The following FMO3 variants were observed in gnomAD, a reference collection of about 807,000 sequenced individuals.
The protein encoded by FMO3 is flavin-containing monooxygenase 3.
A neutral mutation model predicts 39.4 loss-of-function variants in FMO3; 40 were observed. The ratio of observed to expected loss-of-function variants is 1.02; its 90% CI spans 0.79 to 1.32. The LOEUF is 1.32. FMO3 is among the 40% of genes most tolerant of loss of function. The pLI is 0.00. For synonymous variants in FMO3, 219 were observed against 228.8 expected (o/e 0.96, Z 0.39); for missense variants, 680 against 651.8 (o/e 1.04, Z -0.47).
rs1440230703 is a variant in FMO3, at chr1:171,096,461, TAA to T, written c.132+3673_132+3674del. On this transcript the variant is annotated intron_variant, in intron 2 of 8. Coordinates refer to ENST00000367755, the MANE Select transcript of FMO3 (RefSeq NM_001002294.3). Reference sequence around the variant, plus strand: ...CATATTTTATATATTAAATATATATTAAATACATAATATATTTTATATATTAA... The same window carrying T: ...CATATTTTATATATTAAATATATATTATACATAATATATTTTATATATTAA... Among the ~76,000 whole-genome samples, 38 of 104,174 alleles carry T rather than the reference TAA, an allele frequency of 3.6e-4. 2 individuals are homozygous for T. Among genetic ancestry groups the T allele is most frequent in the Non-Finnish European group, 4.9e-4 (29 of 59,424 alleles). The allele number at this position is 104,174 out of a possible 152,430, so 68.3% of individuals were successfully genotyped here.
At chr1:171,112,558 G>A (rs1463917589) in intron 6 of FMO3, among the ~76,000 whole-genome samples, 2 of 152,150 alleles carry the variant, frequency 1.3e-5, no homozygotes, top group Non-Finnish European at 2.9e-5. Context: ...GAGTAAGAAT[G>A]TCTTCAAGAT....
rs750192030 is a variant in FMO3, at chr1:171,117,056, CAG to C, written c.1257-41_1257-40del. 1.2e-5 allele frequency: 17 copies of C among 1,406,618 alleles called. No individual in the cohort carries two copies. In the African/African-American group the frequency reaches 2.4e-4, roughly 20 times the overall value. The allele number at this position is 1,406,618 out of a possible 1,614,324, so 87.1% of individuals were successfully genotyped here. On this transcript the variant is annotated intron_variant, in intron 8 of 8. Transcript: ENST00000367755. The stretch of plus-strand genomic sequence containing the variant: ...CCATTTTCTCTGTTCTGTTTCTACA[CAG>C]AGTTTGGGTATCCACAGTGGTGTTT...
In FMO3 at chr1:171,095,424, A is replaced by G. The variant is rs770982277; in HGVS notation, c.132+2634A>G. ...GGGGCTTCCCTATGTTCTCCACTCA[A>G]TCAGTACAGTCTTCCAGCCTTATTG... On this transcript the variant is annotated intron_variant, in intron 2 of 8. Coordinates refer to ENST00000367755, the MANE Select transcript of FMO3 (RefSeq NM_001002294.3). 5.3e-5 allele frequency among the ~76,000 whole-genome samples: 8 copies of G among 152,016 alleles called. No individual in the cohort carries two copies. The East Asian group carries it at 5.8e-4, about 11-fold the overall frequency.
chr1:171,094,841 C>G (rs539107401), intron 2 of FMO3, among the ~76,000 whole-genome samples: 1 of 151,376 alleles, frequency 6.6e-6, no homozygotes, highest in African/African-American at 2.4e-5. Flanking sequence ...ATTACTATAG[C>G]CTTGTAGTAT....
intron 7 of FMO3, among the ~76,000 whole-genome samples, 163 bp downstream of exon 7, chr1:171,114,525 A>G (rs1196602837): frequency 2.0e-5 from 3 of 152,222 alleles, no homozygotes; most frequent in South Asian, 2.1e-4. Flanking sequence ...TTTAAAGTAT[A>G]CCAGTTTGGA....
At chr1:171,096,046 A>AT (rs1654993091) in intron 2 of FMO3, among the ~76,000 whole-genome samples, 2 of 57,374 alleles carry the variant, frequency 3.5e-5, no homozygotes, top group African/African-American at 1.2e-4. Context: ...TATATTATAT[A>AT]TAAATATATA....
intron 5 of FMO3, among the ~76,000 whole-genome samples, chr1:171,109,526 C>CA (rs1655803274): frequency 1.7e-5 from 1 of 58,994 alleles, no homozygotes; most frequent in Non-Finnish European, 2.9e-5. Flanking sequence ...TTAGTCTCTT[C>CA]TTTTTTTTTT....
At chr1:171,107,640 T>A in intron 3 of FMO3, 35 bp from the exon 4 acceptor site, 1 of 1,594,606 alleles carries the variant, frequency 6.3e-7, no homozygotes, top group South Asian at 1.1e-5. Flanking sequence ...TTTGCTAGCA[T>A]AGAAAAGAGG....
intron 2 of FMO3, 55 bp downstream of exon 2, chr1:171,092,845 G>C (rs1165980704): frequency 1.9e-5 from 31 of 1,591,542 alleles, no homozygotes; most frequent in Non-Finnish European, 2.6e-5. Flanking sequence ...GTGTATAAGA[G>C]CACACTGTGT....
chr1:171,107,277 G>A lies in FMO3; in HGVS notation c.322-398G>A, dbSNP rs1044939164. On this transcript the variant is annotated intron_variant, in intron 3 of 8. Transcript: ENST00000367755. ...CAAATCTAATAATTTTCTGGATCAC[G>A]TTTTCATATATTCTGGTTCAGTACA... Among the ~76,000 whole-genome samples, 5 of 152,082 alleles carry A rather than the reference G, an allele frequency of 3.3e-5. No homozygotes were observed. The South Asian group carries it at 6.2e-4, about 19-fold the overall frequency.
intron 5 of FMO3, among the ~76,000 whole-genome samples, chr1:171,109,115 G>A (rs1655782271): frequency 6.6e-6 from 1 of 152,192 alleles, no homozygotes; most frequent in Admixed American, 6.5e-5. Context: ...GGGCTCCTTT[G>A]CTTGTGGGAA....
Position 171,108,147 on chromosome 1 carries a change from A to T in FMO3, c.553A>T (p.Lys185Ter). 6.2e-7 allele frequency: 1 copy of T among 1,613,954 alleles called. No homozygotes were observed. The highest frequency in any genetic ancestry group is 8.5e-7 in the Non-Finnish European group (1 of 1,179,912). The change falls in exon 5 of 9, where the codon AAG becomes TAG. Residue 185 changes from lysine (K) to a stop codon, truncating the protein, a stop_gained. Coordinates refer to ENST00000367755, the MANE Select transcript of FMO3 (RefSeq NM_001002294.3). LOFTEE classifies it high-confidence loss of function. ...DYKEPGVFNG[K>*]RVLVVGLGNS... is the part of the protein sequence containing the mutation. ...TAAAGAACCAGGTGTATTCAATGGA[A>T]AGCGTGTCCTGGTGGTTGGCCTGGG...
intron 2 of FMO3, chr1:171,099,759 C>CTTTTTTTTTTTTTTTTTTTTTTTTT (rs747274398): frequency 1.3e-4 from 15 of 117,606 alleles, no homozygotes; most frequent in East Asian, 2.5e-4. Context: ...CCATGTCTTT[C>CTTTTTTTTTTTTTTTTTTTTTTTTT]TTTTTTTTTT....
At position 171,117,349 on chromosome 1, in the gene FMO3, C is replaced by T. The variant is rs781751575; in HGVS notation, c.1506C>T (p.Val502=). ...TGAAACCCATGCAGACACGAGTGGT[C>T]GGGAGACTTCAGAAGCCTTGCTTCT... The part of the protein sequence containing the change: ...RSLKPMQTRV[V]GRLQKPCFFF... The change falls in exon 9 of 9, where the codon GTC becomes GTT. Residue 502 remains valine (V), a synonymous_variant. Transcript: ENST00000367755. 12 of 1,613,080 alleles carry T rather than the reference C, an allele frequency of 7.4e-6. No homozygotes were observed. Among genetic ancestry groups the T allele is most frequent in the South Asian group, 4.4e-5 (4 of 91,038 alleles).
Position 171,092,757 on chromosome 1 carries a change from G to C in FMO3, c.99G>C (p.Lys33Asn). ...GGCTGGAGCCCACCTGCTTTGAGAA[G>C]AGCAATGACATTGGGGGCCTGTGGA... ...EEGLEPTCFE[K>N]SNDIGGLWKF... Residue 33 changes from lysine to asparagine, a missense_variant, in exon 2 of 9, where the codon AAG becomes AAC. Coordinates refer to ENST00000367755, the MANE Select transcript of FMO3 (RefSeq NM_001002294.3). 1 of 1,614,080 alleles carries C rather than the reference G, an allele frequency of 6.2e-7. No individual in the cohort carries two copies. The highest frequency in any genetic ancestry group is 1.1e-5 in the South Asian group (1 of 91,082).
At chr1:171,104,510 A>G (rs985087388) in intron 3 of FMO3, among the ~76,000 whole-genome samples, 3 of 152,168 alleles carry the variant, frequency 2.0e-5, no homozygotes, top group African/African-American at 7.2e-5. Flanking sequence ...AAGGGGATAT[A>G]AAATAAATTT....
chr1:171,113,719 C>G (rs971997259), intron 6 of FMO3, among the ~76,000 whole-genome samples: 1 of 152,098 alleles, frequency 6.6e-6, no homozygotes, highest in African/African-American at 2.4e-5. Context: ...TTTCCTGAAA[C>G]AGGCTTTAAC....
chr1:171,110,344 C>T (rs530141523), intron 5 of FMO3, among the ~76,000 whole-genome samples: 1 of 152,222 alleles, frequency 6.6e-6, no homozygotes, highest in East Asian at 1.9e-4. Flanking sequence ...TTATTAGTCA[C>T]CTGTAGCAGA....
intron 2 of FMO3, among the ~76,000 whole-genome samples, chr1:171,101,996 C>G (rs552448980): frequency 6.6e-6 from 1 of 151,968 alleles, no homozygotes. Context: ...TCTCTTTAAA[C>G]TTACCCAACT....
Sources: allele counts gnomAD v4.1 joint callset (sites outside exome capture counted in the v4.1 genomes callset), GRCh38; gene constraint gnomAD v4.1.1; transcripts MANE v1.5; gene names NCBI Gene and HGNC (gene_info 2026-07-23, HGNC 2026-07-21).